PRKCE: variants seen among roughly 807,000 people sequenced by gnomAD.
PRKCE encodes the protein protein kinase C epsilon.
Under a neutral mutation model 85.4 loss-of-function variants are expected in PRKCE, and 16 were observed. The ratio of observed to expected loss-of-function variants is 0.19; its 90% CI spans 0.13 to 0.28. PRKCE has a LOEUF of 0.28. Ranked by LOEUF, PRKCE falls within the 10% of genes least tolerant of loss-of-function variation. The pLI, the probability that PRKCE is intolerant of heterozygous loss-of-function variation, is 1.00. For missense variants in PRKCE, 573 were observed against 975.2 expected (o/e 0.59, Z 5.49); for synonymous variants, 388 against 371.5 (o/e 1.04, Z -0.51).
At chr2:45,962,993 A>G (rs1159854496) in intron 2 of PRKCE, among the ~76,000 whole-genome samples, 2 of 152,220 alleles carry the variant, frequency 1.3e-5, no homozygotes, top group African/African-American at 4.8e-5. Context: ...AGCCAAAGGA[A>G]AAGATATAAG....
chr2:46,161,160 G>C (rs564987642), intron 14 of PRKCE, among the ~76,000 whole-genome samples: 2 of 152,222 alleles, frequency 1.3e-5, no homozygotes, highest in East Asian at 1.9e-4. Context: ...GTCCCCTGCT[G>C]CCACAGGGCT....
chr2:45,958,814 ATATTTTTTTTTTTTTTTTT>A (rs1359168864), intron 2 of PRKCE, among the ~76,000 whole-genome samples: 38 of 25,426 alleles, frequency 1.5e-3, no homozygotes, highest in African/African-American at 5.4e-3. Flanking sequence ...ATATATATAT[ATATTTTTTTTTTTTTTTTT>A]TTTTTTTTTT....
At chr2:45,719,731 A>G (rs183435552) in intron 1 of PRKCE, among the ~76,000 whole-genome samples, 5 of 152,274 alleles carry the variant, frequency 3.3e-5, no homozygotes, top group Admixed American at 1.3e-4. Flanking sequence ...TAGATCAAAC[A>G]AAATCATAAC....
intron 2 of PRKCE, 139 bp downstream of exon 2, chr2:45,843,202 G>T: frequency 1.2e-6 from 1 of 802,146 alleles, no homozygotes. Flanking sequence ...AGGTTATTTT[G>T]AAGATGCTTA....
intron 1 of PRKCE, among the ~76,000 whole-genome samples, chr2:45,669,463 G>A (rs566538317): frequency 1.9e-4 from 29 of 152,322 alleles, no homozygotes; most frequent in African/African-American, 6.5e-4. Context: ...TTCTCTTACC[G>A]CGCAGCGTGG....
chr2:45,976,583 C>T lies in PRKCE; in HGVS notation c.567C>T (p.Phe189=), dbSNP rs1208805931. 1 of 1,599,686 alleles carries T rather than the reference C, an allele frequency of 6.3e-7. No homozygotes were observed. The highest frequency in any genetic ancestry group is 8.5e-7 in the Non-Finnish European group (1 of 1,179,894). The change falls in exon 3 of 15, where the codon TTC becomes TTT. Residue 189 remains phenylalanine (F), a synonymous_variant. Transcript: ENST00000306156. ...QPTYCSHCRD[F]IWGVIGKQGY... ...CCTACTGCTCCCATTGCAGAGACTT[C>T]ATCTGGTAAGCCTTTCTCTTGGGAA...
intron 10 of PRKCE, among the ~76,000 whole-genome samples, chr2:46,023,396 C>T (rs967878223): frequency 1.3e-5 from 2 of 152,246 alleles, no homozygotes; most frequent in African/African-American, 2.4e-5. Context: ...AGGAGGGCAT[C>T]AAGCAAGAAA....
intron 1 of PRKCE, among the ~76,000 whole-genome samples, chr2:45,789,942 TA>T (rs1244876217): frequency 6.6e-5 from 10 of 152,312 alleles, no homozygotes; most frequent in African/African-American, 2.4e-4. Context: ...TTCATATTGA[TA>T]GGATAATGAA....
intron 2 of PRKCE, among the ~76,000 whole-genome samples, chr2:45,898,879 G>A (rs1335894917): frequency 6.6e-6 from 1 of 152,226 alleles, no homozygotes; most frequent in African/African-American, 2.4e-5. Flanking sequence ...TCTTGGGTCT[G>A]CCAGAACTCT....
chr2:45,924,897 A>T (rs1194015134), intron 2 of PRKCE, among the ~76,000 whole-genome samples: 1 of 152,224 alleles, frequency 6.6e-6, no homozygotes, highest in East Asian at 1.9e-4. Context: ...TGCAGGAAAC[A>T]GCAGAGCTCT....
At position 46,135,746 on chromosome 2, in the gene PRKCE, C is replaced by T. The variant is rs1416712577; in HGVS notation, c.1593-9347C>T. On this transcript the variant is annotated intron_variant, in intron 11 of 14. Coordinates refer to ENST00000306156, the MANE Select transcript of PRKCE (RefSeq NM_005400.3). ...ACCTTGGGTTCAGAAACAAATTATGCTTTTTTTTTTTTTTTTTTTTTTTTT... is the reference window on the plus strand; with the variant it reads ...ACCTTGGGTTCAGAAACAAATTATGTTTTTTTTTTTTTTTTTTTTTTTTTT... Among the ~76,000 whole-genome samples, 197 of 20,644 alleles carry T rather than the reference C, an allele frequency of 9.5e-3. 3 individuals carry two copies. The highest frequency in any genetic ancestry group is 0.032 in the African/African-American group (124 of 3,866). The allele number at this position is 20,644 out of a possible 152,430, so 13.5% of individuals were successfully genotyped here.
intron 11 of PRKCE, among the ~76,000 whole-genome samples, chr2:46,133,554 G>A (rs867107202): frequency 2.2e-4 from 33 of 152,194 alleles, no homozygotes; most frequent in African/African-American, 7.5e-4. Flanking sequence ...ATATATCAGT[G>A]ATTGTAATCA....
intron 2 of PRKCE, among the ~76,000 whole-genome samples, chr2:45,973,479 A>G (rs1270334180): frequency 6.6e-6 from 1 of 152,168 alleles, no homozygotes; most frequent in Non-Finnish European, 1.5e-5. Context: ...CTGACATCAA[A>G]TCTGACTTAA....
intron 10 of PRKCE, among the ~76,000 whole-genome samples, chr2:46,044,895 C>T (rs747567899): frequency 4.6e-5 from 7 of 152,160 alleles, no homozygotes; most frequent in Non-Finnish European, 1.0e-4. Context: ...CTTCACTCCA[C>T]GTGGTGTGTG....
chr2:45,765,976 G>C lies in PRKCE; in HGVS notation c.349-77024G>C, dbSNP rs1270423359. ...CTAAGAACCTTATTGCAATGAAGTT[G>C]CAAGTCCAGACGTTGGTTCCAACCT... On this transcript the variant is annotated intron_variant, in intron 1 of 14. Coordinates refer to ENST00000306156, the MANE Select transcript of PRKCE (RefSeq NM_005400.3). Among the ~76,000 whole-genome samples, 5 of 152,316 alleles carry C rather than the reference G, an allele frequency of 3.3e-5. No individual in the cohort carries two copies. In the East Asian group the frequency reaches 9.6e-4, roughly 29 times the overall value.
intron 1 of PRKCE, among the ~76,000 whole-genome samples, chr2:45,788,170 G>C (rs1480693816): frequency 1.3e-5 from 2 of 152,190 alleles, no homozygotes; most frequent in Non-Finnish European, 2.9e-5. Flanking sequence ...CTCAGGGCAT[G>C]GGTTGTTCTG....
Position 45,660,477 on chromosome 2 carries a change from G to T in PRKCE, c.348+8029G>T, listed in dbSNP as rs561189762. ...GCCATGGTGAGGGAAGAAGAAAAAG[G>T]CCCACTTGTCCTCCATTTGCAGAGT... On this transcript the variant is annotated intron_variant, in intron 1 of 14. Coordinates refer to ENST00000306156, the MANE Select transcript of PRKCE (RefSeq NM_005400.3). 9.2e-5 allele frequency among the ~76,000 whole-genome samples: 14 copies of T among 152,234 alleles called. No individual in the cohort carries two copies. The South Asian group carries it at 2.9e-3, about 32-fold the overall frequency.
chr2:45,822,024 C>T (rs1689575446), intron 1 of PRKCE, among the ~76,000 whole-genome samples: 1 of 152,166 alleles, frequency 6.6e-6, no homozygotes, highest in African/African-American at 2.4e-5. Context: ...GTGGGAGGAC[C>T]TGTAGCCGGC....
chr2:45,781,687 A>C (rs1313618147), intron 1 of PRKCE, among the ~76,000 whole-genome samples: 1 of 152,092 alleles, frequency 6.6e-6, no homozygotes, highest in Non-Finnish European at 1.5e-5. Flanking sequence ...ACATCTGATA[A>C]TGTAGTTTGC....
Sources: allele counts gnomAD v4.1 joint callset (sites outside exome capture counted in the v4.1 genomes callset), GRCh38; gene constraint gnomAD v4.1.1; transcripts MANE v1.5; gene names NCBI Gene and HGNC (gene_info 2026-07-23, HGNC 2026-07-21).